GUCY1A2: variants seen among roughly 807,000 people sequenced by gnomAD.
GUCY1A2 encodes the protein guanylate cyclase soluble subunit alpha-2.
In GUCY1A2, 27 loss-of-function variants were observed where a neutral mutation model predicts 63.5. The observed-to-expected ratio is 0.43, with a 90% CI of 0.31 to 0.59. GUCY1A2 has a LOEUF of 0.59. Ranked by LOEUF, GUCY1A2 falls within the 20% of genes least tolerant of loss-of-function variation. The pLI is 0.11. For missense variants in GUCY1A2, 768 were observed against 913.3 expected, an observed-to-expected ratio of 0.84 and a Z score of 2.05; for synonymous variants, 364 against 343.5, an observed-to-expected ratio of 1.06 and a Z score of -0.66.
intron 6 of GUCY1A2, among the ~76,000 whole-genome samples, chr11:106,742,221 G>A (rs1362882831): frequency 6.6e-6 from 1 of 152,046 alleles, no homozygotes; most frequent in Non-Finnish European, 1.5e-5. Flanking sequence ...TGTGCAGGAT[G>A]TGCAGGTTTG....
intron 4 of GUCY1A2, among the ~76,000 whole-genome samples, chr11:106,879,242 C>T (rs1859792106): frequency 1.3e-5 from 2 of 152,208 alleles, no homozygotes; most frequent in South Asian, 4.1e-4. Context: ...TGTGTTTATT[C>T]AGCAAACATT....
intron 3 of GUCY1A2, among the ~76,000 whole-genome samples, chr11:106,954,564 T>C (rs1326956938): frequency 2.0e-5 from 3 of 151,972 alleles, no homozygotes; most frequent in African/African-American, 7.3e-5. Context: ...AAATATCCTT[T>C]TTAATTTTTT....
At chr11:106,749,213 C>T (rs1382877179) in intron 6 of GUCY1A2, among the ~76,000 whole-genome samples, 18 of 152,070 alleles carry the variant, frequency 1.2e-4, no homozygotes, top group Non-Finnish European at 2.2e-4. Flanking sequence ...TGTGTAAGTG[C>T]ACTCTGTGAC....
intron 6 of GUCY1A2, among the ~76,000 whole-genome samples, chr11:106,747,405 T>C (rs911666615): frequency 2.0e-5 from 3 of 152,204 alleles, no homozygotes; most frequent in African/African-American, 7.2e-5. Context: ...TACCACCAAA[T>C]TGTCATTTCA....
At chr11:106,707,863 A>G (rs1482317510) in intron 7 of GUCY1A2, among the ~76,000 whole-genome samples, 1 of 152,180 alleles carries the variant, frequency 6.6e-6, no homozygotes, top group African/African-American at 2.4e-5. Flanking sequence ...TACCTGGTAT[A>G]GCAGAGCATT....
At chr11:106,996,241 C>G (rs891790644) in intron 1 of GUCY1A2, among the ~76,000 whole-genome samples, 2 of 151,992 alleles carry the variant, frequency 1.3e-5, no homozygotes, top group Admixed American at 6.6e-5. Context: ...GATGGCAACC[C>G]ATAGGAAAAA....
intron 4 of GUCY1A2, among the ~76,000 whole-genome samples, chr11:106,861,564 T>C (rs907032142): frequency 6.6e-6 from 1 of 151,990 alleles, no homozygotes; most frequent in African/African-American, 2.4e-5. Context: ...CTAAGAGTCA[T>C]TACAGCTATG....
chr11:106,815,879 A>G (rs1216786854), intron 4 of GUCY1A2, among the ~76,000 whole-genome samples: 1 of 151,962 alleles, frequency 6.6e-6, no homozygotes, highest in Non-Finnish European at 1.5e-5. Flanking sequence ...AGAAACCTCA[A>G]GACCTGCCAG....
chr11:106,751,773 TG>T (rs1280415778), intron 6 of GUCY1A2, among the ~76,000 whole-genome samples: 1 of 152,162 alleles, frequency 6.6e-6, no homozygotes, highest in Non-Finnish European at 1.5e-5. Context: ...TTTAGTACCT[TG>T]TATTAAGCAC....
At chr11:106,829,015 A>G (rs1306122342) in intron 4 of GUCY1A2, among the ~76,000 whole-genome samples, 2 of 152,234 alleles carry the variant, frequency 1.3e-5, no homozygotes, top group Non-Finnish European at 2.9e-5. Context: ...AAGAGGAATT[A>G]TATGATTGCT....
intron 4 of GUCY1A2, among the ~76,000 whole-genome samples, chr11:106,878,202 T>C (rs1859776927): frequency 6.6e-6 from 1 of 152,054 alleles, no homozygotes; most frequent in African/African-American, 2.4e-5. Context: ...AGTTCAACCA[T>C]TGTGGAAAAC....
chr11:106,690,855 A>G (rs1862610879), intron 7 of GUCY1A2, among the ~76,000 whole-genome samples: 1 of 152,182 alleles, frequency 6.6e-6, no homozygotes, highest in South Asian at 2.1e-4. Flanking sequence ...TTAGCCCAAC[A>G]ATAAATAACA....
chr11:106,956,331 A>C, intron 3 of GUCY1A2, among the ~76,000 whole-genome samples: 1 of 151,926 alleles, frequency 6.6e-6, no homozygotes, highest in Admixed American at 6.6e-5. Context: ...TTGACATTGT[A>C]ATCATTTGGA....
intron 1 of GUCY1A2, among the ~76,000 whole-genome samples, chr11:107,006,272 A>C (rs1231943763): frequency 6.6e-6 from 1 of 152,226 alleles, no homozygotes; most frequent in Non-Finnish European, 1.5e-5. Context: ...TAGTAAACAC[A>C]ATGTCTTCCA....
chr11:106,709,325 A>G (rs1220076792), intron 6 of GUCY1A2, among the ~76,000 whole-genome samples: 3 of 54,010 alleles, frequency 5.6e-5, no homozygotes, highest in African/African-American at 2.7e-4. Flanking sequence ...ATTTATATAT[A>G]TTATATAAAT....
intron 6 of GUCY1A2, among the ~76,000 whole-genome samples, chr11:106,769,724 T>C (rs1220654093): frequency 6.6e-6 from 1 of 152,150 alleles, no homozygotes; most frequent in Non-Finnish European, 1.5e-5. Flanking sequence ...ATATGCATTA[T>C]CTAGGAGATT....
intron 1 of GUCY1A2, among the ~76,000 whole-genome samples, chr11:107,001,491 A>C (rs17106352): frequency 0.016 from 2,497 of 152,300 alleles, 34 homozygotes; most frequent in Middle Eastern, 0.068. Flanking sequence ...ATGACACAGT[A>C]AAATTAAGCA....
chr11:106,875,640 C>T (rs1472698488), intron 4 of GUCY1A2, among the ~76,000 whole-genome samples: 2 of 151,900 alleles, frequency 1.3e-5, no homozygotes, highest in Non-Finnish European at 2.9e-5. Flanking sequence ...GTGGGTGTCT[C>T]ATCTCCCAAG....
intron 5 of GUCY1A2, among the ~76,000 whole-genome samples, chr11:106,806,543 T>C (rs1487910): frequency 0.83 from 126,230 of 152,186 alleles, 52,951 homozygotes; most frequent in East Asian, 0.99. Context: ...TTATATGCCA[T>C]TGATTTACAA....
Sources: gnomAD v4.1 joint callset for allele counts (sites outside exome capture counted in the v4.1 genomes callset) on GRCh38, gnomAD v4.1.1 for gene constraint, MANE v1.5 for transcripts, NCBI Gene and HGNC (gene_info 2026-07-23, HGNC 2026-07-21) for gene names.